CEP63: variants seen among roughly 807,000 people sequenced by gnomAD.
CEP63 encodes centrosomal protein 63.
Under a neutral mutation model 89.1 loss-of-function variants are expected in CEP63, and 84 were observed. The observed-to-expected ratio is 0.94, with a 90% CI of 0.79 to 1.13. The LOEUF (loss-of-function observed/expected upper bound fraction) is 1.13, where lower values mean the gene tolerates loss of function less well. CEP63 is among the 50% of genes most tolerant of loss of function. CEP63 has a pLI of 0.00. For synonymous variants in CEP63, 267 were observed against 272.5 expected (o/e 0.98, Z 0.20); for missense variants, 838 against 813.3 (o/e 1.03, Z -0.37).
At chr3:134,522,501 A>T (rs574069693) in intron 3 of CEP63, among the ~76,000 whole-genome samples, 3 of 152,168 alleles carry the variant, frequency 2.0e-5, no homozygotes, top group African/African-American at 7.2e-5. Context: ...TCAGGGGTAC[A>T]TGTGTAGGTT....
At chr3:134,502,745 T>C (rs1333884804) in intron 2 of CEP63, among the ~76,000 whole-genome samples, 3 of 152,300 alleles carry the variant, frequency 2.0e-5, no homozygotes, top group Non-Finnish European at 2.9e-5. Flanking sequence ...ATCAATCTTG[T>C]TATCAACTGT....
At chr3:134,744,030 T>G in the CEP63 span, among the ~76,000 whole-genome samples, 3 of 152,208 alleles carry the variant, frequency 2.0e-5, no homozygotes, top group Non-Finnish European at 4.4e-5. Context: ...TCTAGGTCTC[T>G]GTGGAGTGTG....
the CEP63 span, among the ~76,000 whole-genome samples, chr3:134,719,492 A>G: frequency 6.6e-6 from 1 of 152,204 alleles, no homozygotes; most frequent in Non-Finnish European, 1.5e-5. Context: ...GTGGCACATA[A>G]TTCACCCATC....
the CEP63 span, among the ~76,000 whole-genome samples, chr3:134,717,810 T>A: frequency 6.6e-6 from 1 of 152,138 alleles, no homozygotes; most frequent in Non-Finnish European, 1.5e-5. Flanking sequence ...AGCAAGATGA[T>A]CTAAGATTTG....
chr3:134,674,688 T>C, the CEP63 span, among the ~76,000 whole-genome samples: 6 of 152,242 alleles, frequency 3.9e-5, no homozygotes, highest in South Asian at 1.2e-3. Context: ...AAGGAATCCA[T>C]GAAAAATCAT....
chr3:134,665,878 G>A, the CEP63 span, among the ~76,000 whole-genome samples: 43 of 152,080 alleles, frequency 2.8e-4, no homozygotes, highest in Non-Finnish European at 5.6e-4. Context: ...CACTAAGAAT[G>A]AGGATGAGAG....
chr3:134,616,314 A>G, the CEP63 span, among the ~76,000 whole-genome samples: 38 of 152,350 alleles, frequency 2.5e-4, no homozygotes, highest in African/African-American at 8.9e-4. Context: ...TACTTTATTA[A>G]ATCAGTCTTT....
In CEP63 at chr3:134,561,503, A is replaced by T; in HGVS notation, c.2080A>T (p.Lys694Ter). ...TGAAGAACTAAAAAGAGAGAGTGAA[A>T]AGACAGTGAGACAATTCACAGCCTT... ...HIEELKRESE[K>*]TVRQFTALK Residue 694 changes from lysine (K) to a stop codon, truncating the protein, a stop_gained, in exon 15 of 15, where the codon AAG becomes TAG. Transcript: ENST00000675561. LOFTEE classifies it high-confidence loss of function. 1 of 1,613,960 alleles carries T rather than the reference A, an allele frequency of 6.2e-7. No individual in the cohort carries two copies.
At chr3:134,513,843 C>T (rs1230189435) in intron 3 of CEP63, among the ~76,000 whole-genome samples, 1 of 152,106 alleles carries the variant, frequency 6.6e-6, no homozygotes, top group African/African-American at 2.4e-5. Context: ...CAGGCATCTC[C>T]AAAGTGCTAG....
the CEP63 span, among the ~76,000 whole-genome samples, chr3:134,667,077 G>A: frequency 6.6e-6 from 1 of 152,168 alleles, no homozygotes; most frequent in Non-Finnish European, 1.5e-5. Context: ...CGGTGTCCGA[G>A]GCTACCAGTG....
At chr3:134,545,953 GT>G (rs1282716639) in intron 7 of CEP63, 134 bp downstream of exon 7, 35 of 832,216 alleles carry the variant, frequency 4.2e-5, no homozygotes, top group Non-Finnish European at 5.3e-5. Flanking sequence ...GATATTGATA[GT>G]TTTACTAATA....
intron 3 of CEP63, among the ~76,000 whole-genome samples, chr3:134,519,545 A>G (rs1444506020): frequency 6.6e-6 from 1 of 152,244 alleles, no homozygotes. Context: ...TGAATTTTAT[A>G]TAAAATATTC....
chr3:134,705,539 G>A, the CEP63 span, among the ~76,000 whole-genome samples: 1 of 152,212 alleles, frequency 6.6e-6, no homozygotes, highest in African/African-American at 2.4e-5. Context: ...TTTTGGTGGG[G>A]ATGAACCTTC....
chr3:134,631,388 G>A, the CEP63 span, among the ~76,000 whole-genome samples: 7 of 152,280 alleles, frequency 4.6e-5, no homozygotes, highest in East Asian at 3.9e-4. Context: ...AAATGCTAAC[G>A]GAAGTTCTTC....
chr3:134,498,296 G>T (rs969985217), intron 2 of CEP63, among the ~76,000 whole-genome samples: 1 of 151,352 alleles, frequency 6.6e-6, no homozygotes, highest in African/African-American at 2.4e-5. Context: ...TTAATCCTAG[G>T]TATTTTTTTT....
intron 2 of CEP63, among the ~76,000 whole-genome samples, chr3:134,503,760 CTTCT>C (rs1001332796): frequency 1.3e-5 from 2 of 151,904 alleles, no homozygotes; most frequent in African/African-American, 2.4e-5. Flanking sequence ...ATATAATGAC[CTTCT>C]TTGTCAGTTT....
chr3:134,756,977 T>G, the CEP63 span, among the ~76,000 whole-genome samples: 2 of 152,174 alleles, frequency 1.3e-5, no homozygotes, highest in Non-Finnish European at 2.9e-5. Flanking sequence ...CCTGCACATG[T>G]CTGGGTCTCT....
chr3:134,608,494 C>T, the CEP63 span: 1 of 1,549,620 alleles, frequency 6.5e-7, no homozygotes, highest in Non-Finnish European at 8.7e-7. Context: ...GCAGCCTCCA[C>T]TCATCCACAT....
downstream of CEP63, among the ~76,000 whole-genome samples, chr3:134,592,175 G>C (rs1242888697): frequency 6.6e-6 from 1 of 152,154 alleles, no homozygotes; most frequent in Non-Finnish European, 1.5e-5. Flanking sequence ...GACTCACTCA[G>C]TTCCTCAAAA....
Sources: allele counts gnomAD v4.1 joint callset (sites outside exome capture counted in the v4.1 genomes callset), GRCh38; gene constraint gnomAD v4.1.1; transcripts MANE v1.5; gene names NCBI Gene and HGNC (gene_info 2026-07-23, HGNC 2026-07-21).